KANSL1: variants seen among roughly 807,000 people sequenced by gnomAD.
The protein encoded by KANSL1 is KAT8 regulatory NSL complex subunit 1.
In KANSL1, 22 loss-of-function variants were observed where a neutral mutation model predicts 103.6. That is an observed-to-expected ratio of 0.21 (90% CI 0.15 to 0.30). The LOEUF (loss-of-function observed/expected upper bound fraction) is 0.30, where lower values mean the gene tolerates loss of function less well. Ranked by LOEUF, KANSL1 falls within the 10% of genes least tolerant of loss-of-function variation. The pLI is 1.00. For missense variants in KANSL1, 1,337 were observed against 1,399.8 expected (o/e 0.96, Z 0.72); for synonymous variants, 600 against 527.6 (o/e 1.14, Z -1.88).
chr17:46,087,165 C>T (rs1415975521), intron 3 of KANSL1, among the ~76,000 whole-genome samples: 2 of 152,178 alleles, frequency 1.3e-5, no homozygotes, highest in Non-Finnish European at 2.9e-5. Flanking sequence ...TTCTAGCTTC[C>T]ACAACCAGAA....
At chr17:46,137,987 T>C (rs1013896224) in intron 2 of KANSL1, among the ~76,000 whole-genome samples, 1 of 152,218 alleles carries the variant, frequency 6.6e-6, no homozygotes, top group Non-Finnish European at 1.5e-5. Flanking sequence ...CCTCTCCAGC[T>C]ACCCTCAGGA....
chr17:46,215,877 C>T (rs1426105324), intron 1 of KANSL1, among the ~76,000 whole-genome samples: 32 of 151,958 alleles, frequency 2.1e-4, no homozygotes, highest in Admixed American at 2.0e-3. Flanking sequence ...CCCATCTCTA[C>T]TAAAAATACA....
chr17:46,070,497 T>TA (rs1041804621), intron 4 of KANSL1, among the ~76,000 whole-genome samples: 101 of 152,184 alleles, frequency 6.6e-4, no homozygotes, highest in African/African-American at 2.3e-3. Flanking sequence ...AAGGATTTAC[T>TA]ACACAGGGGA....
At chr17:46,143,579 T>C (rs1202699861) in intron 2 of KANSL1, among the ~76,000 whole-genome samples, 1 of 151,718 alleles carries the variant, frequency 6.6e-6, no homozygotes, top group Non-Finnish European at 1.5e-5. Flanking sequence ...CCGAGACGGG[T>C]AGATCACGAG....
intron 2 of KANSL1, among the ~76,000 whole-genome samples, chr17:46,101,744 ACT>A (rs1317585681): frequency 1.6e-5 from 2 of 127,260 alleles, no homozygotes; most frequent in Non-Finnish European, 3.2e-5. Flanking sequence ...ACAGAGCAAG[ACT>A]CTGTCTACAA....
At chr17:46,105,766 T>C (rs1430350835) in intron 2 of KANSL1, among the ~76,000 whole-genome samples, 2 of 151,906 alleles carry the variant, frequency 1.3e-5, no homozygotes, top group African/African-American at 2.4e-5. Context: ...AGCTACTCAG[T>C]AGGCTGAGGA....
At chr17:46,147,997 T>C (rs1025545284) in intron 2 of KANSL1, 1 of 152,220 alleles carries the variant, frequency 6.6e-6, no homozygotes, top group Non-Finnish European at 1.5e-5. Context: ...GGGCCCTGGT[T>C]TTCCCAATGG....
At chr17:46,042,898 A>T (rs2077375481) in intron 7 of KANSL1, 2 of 150,178 alleles carry the variant, frequency 1.3e-5, no homozygotes, top group South Asian at 4.2e-4. Context: ...AATTAGGAAA[A>T]CTATTAAAGT....
intron 2 of KANSL1, among the ~76,000 whole-genome samples, chr17:46,101,517 C>T (rs1263807447): frequency 6.6e-6 from 1 of 151,744 alleles, no homozygotes; most frequent in Admixed American, 6.6e-5. Flanking sequence ...TTTGGGAGGC[C>T]GAGGCAGGCA....
At chr17:46,038,418 A>C (rs1312034785) in intron 10 of KANSL1, 120 bp downstream of exon 10, 1 of 1,033,266 alleles carries the variant, frequency 9.7e-7, no homozygotes, top group African/African-American at 1.6e-5. Flanking sequence ...TGTCATGATG[A>C]GCTGAGATCC....
intron 6 of KANSL1, among the ~76,000 whole-genome samples, chr17:46,054,119 A>T (rs2077828773): frequency 6.6e-6 from 1 of 152,006 alleles, no homozygotes; most frequent in Non-Finnish European, 1.5e-5. Flanking sequence ...TCAGTCTCTT[A>T]AAAGAAAAAA....
chr17:46,203,359 G>A (rs1180166999), intron 1 of KANSL1, among the ~76,000 whole-genome samples: 3 of 152,178 alleles, frequency 2.0e-5, no homozygotes, highest in Non-Finnish European at 4.4e-5. Flanking sequence ...TTTGGGCTAC[G>A]GCATTAAATG....
intron 5 of KANSL1, 91 bp from the exon 6 acceptor site, chr17:46,066,823 T>C: frequency 1.1e-6 from 1 of 905,456 alleles, no homozygotes; most frequent in Non-Finnish European, 1.7e-6. Context: ...AAGCCTCTTA[T>C]ACTAGTTCAA....
chr17:46,061,821 G>A (rs981185661), intron 6 of KANSL1, among the ~76,000 whole-genome samples: 1 of 152,132 alleles, frequency 6.6e-6, no homozygotes, highest in African/African-American at 2.4e-5. Context: ...GCCGGGCGCG[G>A]TGGCTCACGC....
intron 2 of KANSL1, among the ~76,000 whole-genome samples, chr17:46,155,621 C>T (rs2045381432): frequency 6.6e-6 from 1 of 152,170 alleles, no homozygotes; most frequent in Admixed American, 6.5e-5. Flanking sequence ...GAATAGCTTC[C>T]CATGACAAAT....
chr17:46,043,628 A>C (rs67682367), intron 7 of KANSL1: 1 of 152,092 alleles, frequency 6.6e-6, no homozygotes, highest in Non-Finnish European at 1.5e-5. Context: ...CTGTCAATTC[A>C]TTTGAATAGG....
At chr17:46,199,212 T>C (rs1815) in intron 1 of KANSL1, among the ~76,000 whole-genome samples, 21,953 of 152,268 alleles carry the variant, frequency 0.14, 2,135 homozygotes, top group Non-Finnish European at 0.22. Flanking sequence ...GCGTCAAAGC[T>C]GGAATCAGGG....
At chr17:46,107,991 T>G (rs2042643209) in intron 2 of KANSL1, among the ~76,000 whole-genome samples, 1 of 152,216 alleles carries the variant, frequency 6.6e-6, no homozygotes, top group Admixed American at 6.5e-5. Flanking sequence ...AGTACTTTGG[T>G]TGAATCTTTC....
Position 46,066,648 on chromosome 17 carries a change from G to A in KANSL1, c.1737C>T (p.Leu579=), listed in dbSNP as rs753707128. 8.1e-6 allele frequency: 13 copies of A among 1,614,052 alleles called. No homozygotes were observed. The highest frequency in any genetic ancestry group is 6.7e-5 in the East Asian group (3 of 44,888). The change falls in exon 6 of 15, where the codon CTC becomes CTT. Residue 579 remains leucine (L), a synonymous_variant. Coordinates refer to ENST00000432791, the MANE Select transcript of KANSL1 (RefSeq NM_015443.4). ...EQLHKKQRLN[L]VSSSSDGTCV... The stretch of plus-strand genomic sequence containing the variant: ...AGGTGCCATCAGATGATGAAGAGAC[G>A]AGATTCAGTCGTTGCTTCTTATGTA...
Sources: gnomAD v4.1 joint callset for allele counts (sites outside exome capture counted in the v4.1 genomes callset) on GRCh38, gnomAD v4.1.1 for gene constraint, MANE v1.5 for transcripts, NCBI Gene and HGNC (gene_info 2026-07-23, HGNC 2026-07-21) for gene names.